TTLL11: variants seen among roughly 807,000 people sequenced by gnomAD.
TTLL11 encodes the protein tubulin polyglutamylase TTLL11.
In TTLL11, 42 loss-of-function variants were observed where a neutral mutation model predicts 51.7. That is an observed-to-expected ratio of 0.81 (90% confidence interval 0.64 to 1.05). The LOEUF is 1.05. Ranked by LOEUF, TTLL11 falls within the 50% of genes least tolerant of loss-of-function variation. The probability of loss-of-function intolerance (pLI) is 0.00; values close to 1 mark genes in which losing one functional copy is unlikely to be tolerated. For missense variants in TTLL11, 799 were observed against 940.4 expected (o/e 0.85, Z 1.97); for synonymous variants, 381 against 383.5 (o/e 0.99, Z 0.08).
At position 121,901,962 on chromosome 9, in the gene TTLL11, T is replaced by C. The variant is rs999744681; in HGVS notation, c.1482-31214A>G. On this transcript the variant is annotated intron_variant, in intron 6 of 8. Transcript: ENST00000321582. ...TACATTAAATTTTTTATTTTTTATT[T>C]ATTTATTTTTTAGCCAGCATGTACT... Among the ~76,000 whole-genome samples the C allele has an allele frequency of 2.0e-5, 3 of 152,242 alleles. No individual in the cohort carries two copies. In the South Asian group the frequency reaches 6.2e-4, roughly 32 times the overall value.
chr9:122,044,518 C>G (rs926125288), intron 1 of TTLL11, among the ~76,000 whole-genome samples: 1 of 152,174 alleles, frequency 6.6e-6, no homozygotes, highest in Admixed American at 6.5e-5. Context: ...TCTCTAGCAC[C>G]GGTTGTTTCC....
chr9:121,924,762 CT>C (rs762402616), intron 6 of TTLL11, among the ~76,000 whole-genome samples: 1,652 of 139,292 alleles, frequency 0.012, 5 homozygotes, highest in Admixed American at 0.014. Flanking sequence ...ATAACAAGCA[CT>C]TTTTTTTTTT....
intron 6 of TTLL11, among the ~76,000 whole-genome samples, chr9:121,873,938 G>C (rs1588085782): frequency 6.8e-6 from 1 of 146,302 alleles, no homozygotes; most frequent in Admixed American, 7.1e-5. Context: ...TCTGCCTCCT[G>C]GGTTCAAGTG....
intron 6 of TTLL11, among the ~76,000 whole-genome samples, chr9:121,901,651 A>T (rs1839779465): frequency 6.7e-6 from 1 of 149,488 alleles, no homozygotes; most frequent in African/African-American, 2.5e-5. Flanking sequence ...GCCCTGCGGG[A>T]TGGGTTTTTC....
rs1004226230 is a variant in TTLL11, at chr9:121,900,554, C to A, written c.1482-29806G>T. Among the ~76,000 whole-genome samples, 5 of 152,292 alleles carry A rather than the reference C, an allele frequency of 3.3e-5. No homozygotes were observed. In the East Asian group the frequency reaches 9.6e-4, roughly 29 times the overall value. On this transcript the variant is annotated intron_variant, in intron 6 of 8. Coordinates refer to ENST00000321582, the MANE Select transcript of TTLL11 (RefSeq NM_001139442.2). Reference sequence around the variant, plus strand: ...TCTATTCTCATTGGAAAATTCTCAGCCTTAACGTCTTTGAATATCAACTCT... The same window carrying A: ...TCTATTCTCATTGGAAAATTCTCAGACTTAACGTCTTTGAATATCAACTCT...
chr9:122,093,047 C>T lies in TTLL11; in HGVS notation c.102G>A (p.Ala34=). The T allele has an allele frequency of 6.7e-7, 1 of 1,490,628 alleles. No individual in the cohort carries two copies. Among genetic ancestry groups the T allele is most frequent in the Non-Finnish European group, 8.9e-7 (1 of 1,120,526 alleles). The allele number at this position is 1,490,628 out of a possible 1,614,324, so 92.3% of individuals were successfully genotyped here. A position where few individuals can be genotyped will look rare whatever the true frequency, so the allele number is the denominator to read the frequency against. ...AAAKAEAEAT[A]ETVAEQVRVD... ...CGCGGACCTGTTCCGCCACCGTCTCCGCTGTGGCCTCGGCCTCAGCTTTGG... is the reference window on the plus strand; with the variant it reads ...CGCGGACCTGTTCCGCCACCGTCTCTGCTGTGGCCTCGGCCTCAGCTTTGG... The change falls in exon 1 of 9, where the codon GCG becomes GCA. Residue 34 remains alanine (A), a synonymous_variant. Coordinates refer to ENST00000321582, the MANE Select transcript of TTLL11 (RefSeq NM_001139442.2).
chr9:122,042,932 C>T (rs1467296618), intron 1 of TTLL11, among the ~76,000 whole-genome samples: 1 of 151,738 alleles, frequency 6.6e-6, no homozygotes, highest in African/African-American at 2.4e-5. Flanking sequence ...GCCAGGGGCC[C>T]GAGGGGAGGA....
At chr9:121,909,099 T>C (rs992346515) in intron 6 of TTLL11, among the ~76,000 whole-genome samples, 2 of 152,222 alleles carry the variant, frequency 1.3e-5, no homozygotes, top group Admixed American at 6.5e-5. Context: ...CATATGTTCA[T>C]TCATTATGCC....
chr9:121,970,944 C>T (rs1231404429), intron 6 of TTLL11, among the ~76,000 whole-genome samples: 1 of 152,252 alleles, frequency 6.6e-6, no homozygotes, highest in Non-Finnish European at 1.5e-5. Context: ...GACTTGGAAC[C>T]AAAGCAAATG....
Position 122,092,683 on chromosome 9 carries a change from T to C in TTLL11, c.462+4A>G. The C allele has an allele frequency of 5.2e-6, 8 of 1,536,782 alleles. No homozygotes were observed. The highest frequency in any genetic ancestry group is 7.0e-6 in the Non-Finnish European group (8 of 1,146,772). ...CCACGCGGCCGGGTCGGGCCGGGCC[T>C]CACCTCCTTCCACTTGAGCTGGCGG... On this transcript the variant is annotated splice_donor_region_variant and intron_variant, in intron 1 of 8. Coordinates refer to ENST00000321582, the MANE Select transcript of TTLL11 (RefSeq NM_001139442.2).
At chr9:121,901,927 A>G (rs1839790794) in intron 6 of TTLL11, among the ~76,000 whole-genome samples, 4 of 152,156 alleles carry the variant, frequency 2.6e-5, no homozygotes. Flanking sequence ...CTTTCCTGCC[A>G]GCACATTCCT....
intron 1 of TTLL11, among the ~76,000 whole-genome samples, chr9:122,090,946 C>T (rs563147072): frequency 9.2e-5 from 14 of 152,224 alleles, no homozygotes; most frequent in Admixed American, 4.6e-4. Context: ...CTGTAATGAC[C>T]GCAATTATTC....
chr9:121,948,678 G>C (rs1247037331), intron 6 of TTLL11, among the ~76,000 whole-genome samples: 1 of 152,228 alleles, frequency 6.6e-6, no homozygotes, highest in East Asian at 1.9e-4. Flanking sequence ...GCCAGGAAGT[G>C]GCAGAACCAG....
At chr9:121,932,218 T>C (rs1006102771) in intron 6 of TTLL11, among the ~76,000 whole-genome samples, 2 of 152,200 alleles carry the variant, frequency 1.3e-5, no homozygotes, top group African/African-American at 4.8e-5. Context: ...GCAAGAAGCC[T>C]GACCTAGGCT....
intron 6 of TTLL11, among the ~76,000 whole-genome samples, chr9:121,961,162 C>A (rs142856506): frequency 6.6e-6 from 1 of 152,138 alleles, no homozygotes; most frequent in Non-Finnish European, 1.5e-5. Flanking sequence ...TCCATCCTCA[C>A]GGTCGAAGAT....
intron 8 of TTLL11, among the ~76,000 whole-genome samples, chr9:121,838,011 GCT>G (rs961025169): frequency 2.0e-5 from 3 of 151,996 alleles, no homozygotes; most frequent in Admixed American, 2.0e-4. Context: ...TCTCTCTCTC[GCT>G]CTCTCTTCCT....
chr9:121,922,614 A>C (rs549540824), intron 6 of TTLL11, among the ~76,000 whole-genome samples: 1 of 152,164 alleles, frequency 6.6e-6, no homozygotes, highest in African/African-American at 2.4e-5. Context: ...TCTCACTTGG[A>C]AGAAATGACT....
intron 6 of TTLL11, among the ~76,000 whole-genome samples, chr9:121,896,433 A>G (rs1839528976): frequency 1.3e-5 from 2 of 152,084 alleles, no homozygotes; most frequent in South Asian, 4.2e-4. Context: ...TGCTGCCCTC[A>G]GCTCTCCCAT....
At chr9:121,993,173 T>C (rs1015367170) in intron 3 of TTLL11, among the ~76,000 whole-genome samples, 1 of 152,160 alleles carries the variant, frequency 6.6e-6, no homozygotes, top group African/African-American at 2.4e-5. Flanking sequence ...AGTTTCAGTT[T>C]TGCAAGATAA....
Sources: allele counts gnomAD v4.1 joint callset (sites outside exome capture counted in the v4.1 genomes callset), GRCh38; gene constraint gnomAD v4.1.1; transcripts MANE v1.5; gene names NCBI Gene and HGNC (gene_info 2026-07-23, HGNC 2026-07-21).